The following C10orf143 variants were observed in gnomAD, a reference collection of about 807,000 sequenced individuals.
The protein encoded by C10orf143 is chromosome 10 open reading frame 143.
downstream of C10orf143, among the ~76,000 whole-genome samples, chr10:130,061,887 G>A (rs1860861168): frequency 6.6e-6 from 1 of 152,146 alleles, no homozygotes; most frequent in African/African-American, 2.4e-5. Flanking sequence ...GGGTTGGGCT[G>A]GAGAGCAGAG....
intron 3 of C10orf143, among the ~76,000 whole-genome samples, chr10:130,041,567 G>A (rs147302448): frequency 1.3e-5 from 2 of 152,218 alleles, no homozygotes; most frequent in African/African-American, 4.8e-5. Context: ...TCATAAATTC[G>A]ATTTGCATTT....
At chr10:130,109,302 A>G (rs1371396708) in intron 1 of C10orf143, among the ~76,000 whole-genome samples, 2 of 152,142 alleles carry the variant, frequency 1.3e-5, no homozygotes, top group African/African-American at 4.8e-5. Flanking sequence ...ATCTGGTAGC[A>G]CAGTAGCAGT....
chr10:130,087,132 GT>G (rs1861303203), intron 1 of C10orf143, among the ~76,000 whole-genome samples: 1 of 152,208 alleles, frequency 6.6e-6, no homozygotes, highest in Non-Finnish European at 1.5e-5. Context: ...GTTACTTACT[GT>G]GGATTATTGA....
At chr10:130,107,320 G>C (rs753448648) in intron 1 of C10orf143, 2 of 1,067,054 alleles carry the variant, frequency 1.9e-6, no homozygotes, top group South Asian at 2.5e-5. Context: ...CCACTAAAGA[G>C]CTGGAGACCT....
chr10:130,108,363 A>C (rs2134825907), intron 1 of C10orf143: 3 of 1,214,332 alleles, frequency 2.5e-6, no homozygotes, highest in South Asian at 1.2e-5. Flanking sequence ...CGACCCCCAC[A>C]TTCTGAAGGT....
chr10:130,082,542 G>C lies in C10orf143; in HGVS notation c.70-2641C>G, dbSNP rs552937578. Among the ~76,000 whole-genome samples, 9 of 152,302 alleles carry C rather than the reference G, an allele frequency of 5.9e-5. No homozygotes were observed. In the South Asian group the frequency reaches 1.9e-3, roughly 32 times the overall value. ...TCGTGTTAGTGAATAAGTCTCACGA[G>C]ATCTGATGTTTTATAAGGGGCTTCC... On this transcript the variant is annotated intron_variant, in intron 1 of 3. Coordinates refer to ENST00000637128, the MANE Select transcript of C10orf143 (RefSeq NM_001355042.2).
intron 1 of C10orf143, among the ~76,000 whole-genome samples, chr10:130,103,284 T>C (rs1177700): frequency 6.6e-6 from 1 of 151,630 alleles, no homozygotes; most frequent in Non-Finnish European, 1.5e-5. Context: ...CAGCTGAGTC[T>C]TGATTTTTTA....
intron 1 of C10orf143, among the ~76,000 whole-genome samples, chr10:130,101,572 T>C (rs1456210938): frequency 6.6e-6 from 1 of 151,804 alleles, no homozygotes. Flanking sequence ...AAGGATAAAA[T>C]TAAGATTTTT....
At chr10:130,041,165 T>C (rs1404144665) in intron 3 of C10orf143, among the ~76,000 whole-genome samples, 4 of 152,212 alleles carry the variant, frequency 2.6e-5, no homozygotes, top group Non-Finnish European at 5.9e-5. Flanking sequence ...AGGGAGAAGC[T>C]GTGTTTGAGA....
At chr10:130,109,449 A>G (rs545912018) in intron 1 of C10orf143, among the ~76,000 whole-genome samples, 117 of 152,258 alleles carry the variant, frequency 7.7e-4, no homozygotes, top group Admixed American at 2.9e-3. Context: ...GCTCCACCCC[A>G]CTGGACTGCT....
intron 3 of C10orf143, among the ~76,000 whole-genome samples, chr10:130,053,471 GT>G (rs1860760051): frequency 1.3e-5 from 2 of 152,150 alleles, no homozygotes; most frequent in South Asian, 4.1e-4. Flanking sequence ...ATTCATTAAG[GT>G]TTTTGGGACC....
chr10:130,074,708 CA>C (rs1026205756), intron 3 of C10orf143, among the ~76,000 whole-genome samples: 1 of 151,922 alleles, frequency 6.6e-6, no homozygotes, highest in Non-Finnish European at 1.5e-5. Context: ...CAATAATGTA[CA>C]AATATGTAAA....
At chr10:130,057,916 C>T (rs1006380774) in intron 3 of C10orf143, among the ~76,000 whole-genome samples, 2 of 152,192 alleles carry the variant, frequency 1.3e-5, no homozygotes, top group African/African-American at 2.4e-5. Flanking sequence ...GCAGCCTGCC[C>T]AGGCCCTCAG....
chr10:130,101,873 A>AAAAC (rs1564970440), intron 1 of C10orf143, among the ~76,000 whole-genome samples: 1 of 142,518 alleles, frequency 7.0e-6, no homozygotes, highest in African/African-American at 2.8e-5. Context: ...ACCAAAAAAA[A>AAAAC]AAAAAAAAAA....
intron 1 of C10orf143, among the ~76,000 whole-genome samples, chr10:130,085,553 A>G (rs1193244873): frequency 6.6e-6 from 1 of 152,212 alleles, no homozygotes; most frequent in Non-Finnish European, 1.5e-5. Flanking sequence ...ACTAAATGCA[A>G]TGTGGGATCC....
At chr10:130,107,022 C>T in intron 1 of C10orf143, 1 of 1,224,312 alleles carries the variant, frequency 8.2e-7, no homozygotes, top group South Asian at 1.2e-5. Context: ...TCTTTAAAAA[C>T]CTTAGAAGGA....
intron 3 of C10orf143, among the ~76,000 whole-genome samples, chr10:130,043,978 C>T (rs781588925): frequency 6.6e-6 from 1 of 151,432 alleles, no homozygotes; most frequent in Non-Finnish European, 1.5e-5. Flanking sequence ...GCCCAGGGGC[C>T]TTTGCAGACC....
intron 1 of C10orf143, among the ~76,000 whole-genome samples, chr10:130,083,895 G>A (rs1472616544): frequency 6.6e-6 from 1 of 152,080 alleles, no homozygotes; most frequent in Non-Finnish European, 1.5e-5. Context: ...AGGGAAAAAT[G>A]TAAGTAAACC....
intron 1 of C10orf143, among the ~76,000 whole-genome samples, chr10:130,094,256 C>T (rs980494494): frequency 1.1e-4 from 17 of 152,016 alleles, no homozygotes; most frequent in African/African-American, 4.1e-4. Flanking sequence ...CCAAAAAAAG[C>T]CCAGGATCAG....
Sources: allele counts gnomAD v4.1 joint callset (sites outside exome capture counted in the v4.1 genomes callset), GRCh38; gene constraint gnomAD v4.1.1; transcripts MANE v1.5; gene names NCBI Gene and HGNC (gene_info 2026-07-23, HGNC 2026-07-21).